ZC3H12B: variants seen among roughly 807,000 people sequenced by gnomAD.
The protein encoded by ZC3H12B is zinc finger CCCH-type containing 12B.
A neutral mutation model predicts 43.9 loss-of-function variants in ZC3H12B; 7 were observed. The observed-to-expected ratio is 0.16, with a 90% CI of 0.09 to 0.30. The LOEUF (loss-of-function observed/expected upper bound fraction) is 0.30. Among genes scored for constraint, ZC3H12B ranks in the 10% least tolerant of loss-of-function variants. The pLI, the probability that ZC3H12B is intolerant of heterozygous loss-of-function variation, is 1.00. For missense variants in ZC3H12B, 475 were observed against 670.2 expected (o/e 0.71, Z 3.22); for synonymous variants, 222 against 241.7 (o/e 0.92, Z 0.76).
the ZC3H12B span, among the ~76,000 whole-genome samples, chrX:65,055,578 G>A: frequency 8.9e-6 from 1 of 111,768 alleles, no homozygotes. Context: ...CCAGGCTTTG[G>A]TATCAGGATG....
At chrX:65,468,650 ATTT>A (rs60716703) in intron 3 of ZC3H12B, among the ~76,000 whole-genome samples, 1 of 74,933 alleles carries the variant, frequency 1.3e-5, no homozygotes. Context: ...TGCCCGGCTA[ATTT>A]TTTTTTTTTT....
chrX:65,084,081 T>G, the ZC3H12B span, among the ~76,000 whole-genome samples: 1 of 111,870 alleles, frequency 8.9e-6, no homozygotes, highest in South Asian at 3.7e-4. Context: ...ACTAGACCCC[T>G]ACTCTTGCCA....
rs1569412172 is a variant in ZC3H12B, at chrX:65,448,959, G to GAAAGAAAGAAAGAAAGAA, written n.408-39685_408-39668dup. Among the ~76,000 whole-genome samples, 16 of 77,574 alleles carry GAAAGAAAGAAAGAAAGAA rather than the reference G, an allele frequency of 2.1e-4. 1 individual carries two copies. Among genetic ancestry groups the GAAAGAAAGAAAGAAAGAA allele is most frequent in the South Asian group, 1.6e-3 (3 of 1,831 alleles). 67.4% of individuals were successfully genotyped at this position (77,574 alleles called of 115,157 possible). On this transcript the variant is annotated intron_variant and non_coding_transcript_variant, in intron 3 of 5. Transcript: ENST00000617377. The stretch of plus-strand genomic sequence containing the variant: ...AGGAAAAGAAAGAAAGAAAGAAAAA[G>GAAAGAAAGAAAGAAAGAA]AAAGAAAGAAAGAAAGAAAGAGAAA...
the ZC3H12B span, among the ~76,000 whole-genome samples, chrX:65,346,871 G>A: frequency 8.9e-6 from 1 of 112,411 alleles, no homozygotes; most frequent in Non-Finnish European, 1.9e-5. Flanking sequence ...GGCTGTGGGT[G>A]CAGCTTCAGC....
the ZC3H12B span, among the ~76,000 whole-genome samples, chrX:65,167,745 G>A: frequency 9.0e-6 from 1 of 111,551 alleles, no homozygotes; most frequent in Admixed American, 9.5e-5. Flanking sequence ...TCCTTGAAGA[G>A]GTCCTTCACA....
the ZC3H12B span, among the ~76,000 whole-genome samples, chrX:65,332,174 C>G: frequency 9.1e-6 from 1 of 110,144 alleles, no homozygotes; most frequent in South Asian, 3.9e-4. Context: ...ATAAGAGAAC[C>G]CTTAATCTTA....
At chrX:65,395,587 C>A (rs765004494) in intron 2 of ZC3H12B, among the ~76,000 whole-genome samples, 16 of 111,684 alleles carry the variant, frequency 1.4e-4, no homozygotes, top group Non-Finnish European at 2.1e-4. Context: ...TTTGGTTTGC[C>A]AGAATTTTAT....
At chrX:65,222,367 A>G in the ZC3H12B span, among the ~76,000 whole-genome samples, 1 of 110,780 alleles carries the variant, frequency 9.0e-6, no homozygotes, top group Non-Finnish European at 1.9e-5. Context: ...AGAAAAGAGA[A>G]AGAAATCAAT....
At chrX:65,239,982 G>A in the ZC3H12B span, among the ~76,000 whole-genome samples, 1 of 111,227 alleles carries the variant, frequency 9.0e-6, no homozygotes, top group Non-Finnish European at 1.9e-5. Flanking sequence ...AGGTGACCTG[G>A]CATTTCTCTC....
chrX:65,277,000 C>A, the ZC3H12B span, among the ~76,000 whole-genome samples: 1 of 111,070 alleles, frequency 9.0e-6, no homozygotes, highest in Non-Finnish European at 1.9e-5. Flanking sequence ...TAAAGACACA[C>A]GTAGACTGAA....
the ZC3H12B span, among the ~76,000 whole-genome samples, chrX:65,189,843 T>G: frequency 1.4e-4 from 15 of 110,415 alleles, no homozygotes; most frequent in Admixed American, 5.7e-4. Context: ...TGCCATTGCT[T>G]TTGGTGTTTT....
chrX:65,280,139 A>C, the ZC3H12B span, among the ~76,000 whole-genome samples: 2 of 112,229 alleles, frequency 1.8e-5, no homozygotes, highest in African/African-American at 6.5e-5. Context: ...ACAAATATAC[A>C]CACAAAAATC....
chrX:65,233,942 C>T, the ZC3H12B span, among the ~76,000 whole-genome samples: 1 of 111,050 alleles, frequency 9.0e-6, no homozygotes, highest in African/African-American at 3.3e-5. Context: ...ATTATCAACC[C>T]AATTATTTAA....
the ZC3H12B span, among the ~76,000 whole-genome samples, chrX:65,155,721 G>T: frequency 1.8e-5 from 2 of 110,880 alleles, no homozygotes; most frequent in Non-Finnish European, 3.8e-5. Context: ...TTAGCCAGGC[G>T]TGGTGGCAGG....
chrX:65,151,706 G>A, the ZC3H12B span, among the ~76,000 whole-genome samples: 1 of 111,330 alleles, frequency 9.0e-6, no homozygotes, highest in Non-Finnish European at 1.9e-5. Flanking sequence ...AATACAAAAA[G>A]AAGGAATCCT....
At chrX:65,161,581 C>T in the ZC3H12B span, among the ~76,000 whole-genome samples, 1 of 111,464 alleles carries the variant, frequency 9.0e-6, no homozygotes, top group African/African-American at 3.3e-5. Flanking sequence ...ACTAGGATTG[C>T]AACCCCTGCC....
chrX:65,346,051 G>A, the ZC3H12B span, among the ~76,000 whole-genome samples: 2 of 111,007 alleles, frequency 1.8e-5, no homozygotes, highest in Admixed American at 9.7e-5. Flanking sequence ...ACAACCCAAA[G>A]CAATATACAG....
At chrX:65,176,172 A>T in the ZC3H12B span, among the ~76,000 whole-genome samples, 1 of 111,852 alleles carries the variant, frequency 8.9e-6, no homozygotes, top group Non-Finnish European at 1.9e-5. Flanking sequence ...CAGCAGTCTG[A>T]AGTCAACCTG....
intron 3 of ZC3H12B, among the ~76,000 whole-genome samples, chrX:65,433,651 T>A (rs1363451720): frequency 8.9e-6 from 1 of 112,179 alleles, no homozygotes; most frequent in Non-Finnish European, 1.9e-5. Flanking sequence ...TCACTTCAGA[T>A]TTAATGTCTA....
Sources: allele counts gnomAD v4.1 joint callset (sites outside exome capture counted in the v4.1 genomes callset), GRCh38; gene constraint gnomAD v4.1.1; transcripts MANE v1.5; gene names NCBI Gene and HGNC (gene_info 2026-07-23, HGNC 2026-07-21).